MEIS2: variants seen among roughly 807,000 people sequenced by gnomAD.
MEIS2 encodes homeobox protein Meis2.
Under a neutral mutation model 58.6 loss-of-function variants are expected in MEIS2, and 9 were observed. That is an observed-to-expected ratio of 0.15 (90% CI 0.09 to 0.27). The LOEUF is 0.27. Ranked by LOEUF, MEIS2 falls within the 10% of genes least tolerant of loss-of-function variation. MEIS2 has a pLI of 1.00. For synonymous variants in MEIS2, 221 were observed against 228.4 expected, an observed-to-expected ratio of 0.97 and a Z score of 0.29; for missense variants, 427 against 635.0, an observed-to-expected ratio of 0.67 and a Z score of 3.52.
chr15:36,970,437 T>C (rs976121348), intron 8 of MEIS2, among the ~76,000 whole-genome samples: 1 of 150,950 alleles, frequency 6.6e-6, no homozygotes, highest in African/African-American at 2.4e-5. Context: ...TTTGTGTGTG[T>C]GTGTCTCATG....
rs1434411341 is a variant in MEIS2, at chr15:36,976,440, C to T, written c.901-26040G>A. Among the ~76,000 whole-genome samples, 3 of 150,348 alleles carry T rather than the reference C, an allele frequency of 2.0e-5. No homozygotes were observed. The East Asian group carries it at 5.8e-4, about 29-fold the overall frequency. The stretch of plus-strand genomic sequence containing the variant: ...TGGAAATGTAAGTGGGTAAGAGTGG[C>T]TTCTTCTGGGCAGAACTATATCCAT... On this transcript the variant is annotated intron_variant, in intron 8 of 11. Coordinates refer to ENST00000561208, the MANE Select transcript of MEIS2 (RefSeq NM_170675.5).
chr15:37,027,033 G>A (rs998110238), intron 8 of MEIS2, among the ~76,000 whole-genome samples: 1 of 152,144 alleles, frequency 6.6e-6, no homozygotes, highest in African/African-American at 2.4e-5. Flanking sequence ...GGGTGCCAGT[G>A]ATTATTCTGC....
chr15:36,994,203 G>T (rs1365591372), intron 8 of MEIS2, among the ~76,000 whole-genome samples: 1 of 152,006 alleles, frequency 6.6e-6, no homozygotes, highest in African/African-American at 2.4e-5. Flanking sequence ...TCAAACATAA[G>T]TGAGCTGGTT....
intron 1 of MEIS2, 83 bp downstream of exon 1, chr15:37,099,372 C>A (rs1474543133): frequency 4.4e-6 from 7 of 1,583,082 alleles, no homozygotes; most frequent in South Asian, 1.2e-5. Flanking sequence ...GCAGCAGAAG[C>A]GTTGAAGGGA....
intron 7 of MEIS2, among the ~76,000 whole-genome samples, chr15:37,071,167 G>C (rs553850738): frequency 4.6e-5 from 7 of 152,166 alleles, no homozygotes; most frequent in Non-Finnish European, 8.8e-5. Flanking sequence ...ATTATTGAAG[G>C]CCTCCTATAT....
At chr15:37,098,878 G>C (rs1405847635) in intron 1 of MEIS2, 2 of 983,418 alleles carry the variant, frequency 2.0e-6, no homozygotes, top group African/African-American at 3.5e-5. Flanking sequence ...GGAGGGTGGG[G>C]GGGCGAATAA....
chr15:36,976,108 A>G (rs2059740749), intron 8 of MEIS2, among the ~76,000 whole-genome samples: 2 of 152,058 alleles, frequency 1.3e-5, no homozygotes, highest in African/African-American at 4.8e-5. Context: ...TTTTTGAGAC[A>G]GAGTCTCGCT....
chr15:37,015,230 C>G (rs180686327), intron 8 of MEIS2, among the ~76,000 whole-genome samples: 2 of 152,160 alleles, frequency 1.3e-5, no homozygotes, highest in African/African-American at 4.8e-5. Context: ...TAAATCAGAG[C>G]CTGTCACGGC....
At chr15:36,893,454 A>G (rs2055994675) in intron 11 of MEIS2, among the ~76,000 whole-genome samples, 1 of 152,212 alleles carries the variant, frequency 6.6e-6, no homozygotes, top group African/African-American at 2.4e-5. Context: ...TCTAAAGACA[A>G]TAACACAGCC....
chr15:37,099,553 T>G lies in MEIS2; in HGVS notation c.-87A>C. Reference sequence around the variant, plus strand: ...AAAGTGATCTAGGCTGAAGATTCCTTTTTTTTTTTTCCAAACCAAAGAGAC... The same window carrying G: ...AAAGTGATCTAGGCTGAAGATTCCTGTTTTTTTTTTCCAAACCAAAGAGAC... On this transcript the variant is annotated 5_prime_UTR_variant, in exon 1 of 12. Transcript: ENST00000561208. 7.0e-7 allele frequency: 1 copy of G among 1,429,482 alleles called. No homozygotes were observed. Among genetic ancestry groups the G allele is most frequent in the Non-Finnish European group, 9.4e-7 (1 of 1,061,490 alleles). The allele number at this position is 1,429,482 out of a possible 1,614,324, so 88.5% of individuals were successfully genotyped here. A position where few individuals can be genotyped will look rare whatever the true frequency, so the allele number is the denominator to read the frequency against.
intron 7 of MEIS2, among the ~76,000 whole-genome samples, chr15:37,046,758 C>A (rs2062689371): frequency 6.6e-6 from 1 of 152,008 alleles, no homozygotes; most frequent in South Asian, 2.1e-4. Flanking sequence ...ACAGTCTAAT[C>A]CTTTATAGCA....
chr15:37,006,194 A>C (rs2060916231), intron 8 of MEIS2, among the ~76,000 whole-genome samples: 1 of 152,072 alleles, frequency 6.6e-6, no homozygotes, highest in African/African-American at 2.4e-5. Flanking sequence ...TTGAATGCTG[A>C]CTTTTGATAG....
intron 8 of MEIS2, among the ~76,000 whole-genome samples, chr15:37,026,386 G>A (rs185049146): frequency 1.6e-3 from 236 of 152,208 alleles, no homozygotes; most frequent in African/African-American, 5.4e-3. Flanking sequence ...CTGAGTCATG[G>A]GAATATACTT....
chr15:37,041,805 T>A (rs990021361), intron 7 of MEIS2, among the ~76,000 whole-genome samples: 1 of 152,048 alleles, frequency 6.6e-6, no homozygotes, highest in Non-Finnish European at 1.5e-5. Context: ...TATGTGCACC[T>A]GGGATTACAA....
At chr15:37,101,050 G>A (rs1014313931), upstream of MEIS2, 9 of 151,962 alleles carry the variant, frequency 5.9e-5, no homozygotes, top group Admixed American at 5.2e-4. Context: ...TAACGTCCAA[G>A]GGCAGCAAGC....
At chr15:36,954,768 T>A (rs2058894802) in intron 8 of MEIS2, among the ~76,000 whole-genome samples, 1 of 152,176 alleles carries the variant, frequency 6.6e-6, no homozygotes, top group Non-Finnish European at 1.5e-5. Context: ...ATCATTTAGA[T>A]AATGGTCAAG....
chr15:36,979,108 G>GAT (rs1207451696), intron 8 of MEIS2, among the ~76,000 whole-genome samples: 2 of 152,122 alleles, frequency 1.3e-5, no homozygotes, highest in African/African-American at 4.8e-5. Context: ...GCACTGACAT[G>GAT]ATGCTACAAA....
chr15:36,987,477 C>A (rs923799418), intron 8 of MEIS2, among the ~76,000 whole-genome samples: 3 of 151,116 alleles, frequency 2.0e-5, no homozygotes, highest in Admixed American at 2.0e-4. Context: ...ATTTTACCTG[C>A]AGCAAGCCCT....
chr15:36,973,385 G>A (rs1439181542), intron 8 of MEIS2, among the ~76,000 whole-genome samples: 2 of 152,132 alleles, frequency 1.3e-5, no homozygotes, highest in Non-Finnish European at 2.9e-5. Context: ...GTTTCACTAG[G>A]AAACAGTTAA....
Sources: allele counts gnomAD v4.1 joint callset (sites outside exome capture counted in the v4.1 genomes callset), GRCh38; gene constraint gnomAD v4.1.1; transcripts MANE v1.5; gene names NCBI Gene and HGNC (gene_info 2026-07-23, HGNC 2026-07-21).